The following LDLRAD3 variants were observed in gnomAD, a reference collection of about 807,000 sequenced individuals.
LDLRAD3 encodes the protein low-density lipoprotein receptor class A domain-containing protein 3.
A neutral mutation model predicts 29.4 loss-of-function variants in LDLRAD3; 20 were observed. The ratio of observed to expected loss-of-function variants is 0.68; its 90% confidence interval spans 0.48 to 0.99. The LOEUF (loss-of-function observed/expected upper bound fraction) is 0.99, where lower values mean the gene tolerates loss of function less well. Ranked by LOEUF, LDLRAD3 falls within the 50% of genes least tolerant of loss-of-function variation. The probability of loss-of-function intolerance (pLI) is 0.00; values close to 1 mark genes in which losing one functional copy is unlikely to be tolerated. For missense variants in LDLRAD3, 420 were observed against 454.3 expected, an observed-to-expected ratio of 0.92 and a Z score of 0.69; for synonymous variants, 157 against 192.7, an observed-to-expected ratio of 0.81 and a Z score of 1.53.
intron 4 of LDLRAD3, among the ~76,000 whole-genome samples, chr11:36,108,192 T>C (rs1232031820): frequency 1.3e-5 from 2 of 151,362 alleles, no homozygotes; most frequent in Non-Finnish European, 2.9e-5. Context: ...TGGTGGTGGG[T>C]GCCTGTAGTC....
At chr11:35,958,225 G>A (rs1393439511) in intron 1 of LDLRAD3, among the ~76,000 whole-genome samples, 1 of 152,182 alleles carries the variant, frequency 6.6e-6, no homozygotes, top group Non-Finnish European at 1.5e-5. Context: ...GTCACACCCA[G>A]CCTATTTCAG....
At chr11:35,999,959 G>A (rs1315210773) in intron 1 of LDLRAD3, among the ~76,000 whole-genome samples, 1 of 152,180 alleles carries the variant, frequency 6.6e-6, no homozygotes, top group African/African-American at 2.4e-5. Flanking sequence ...GTCTGCAGTG[G>A]TAAACATTGG....
chr11:36,229,333 G>A lies in LDLRAD3; in HGVS notation c.974G>A (p.Gly325Asp), dbSNP rs1176717375. 1.2e-6 allele frequency: 2 copies of A among 1,613,942 alleles called. No individual in the cohort carries two copies. The highest frequency in any genetic ancestry group is 1.7e-6 in the Non-Finnish European group (2 of 1,180,022). Reference sequence around the variant, plus strand: ...ACCAGCCACAGCCCGGGGCAGCCTGGCCCCCAGGAGGGCACTGCTGAGCCC... The same window carrying A: ...ACCAGCCACAGCCCGGGGCAGCCTGACCCCCAGGAGGGCACTGCTGAGCCC... The part of the protein sequence containing the change: ...EDTSHSPGQP[G>D]PQEGTAEPRD... The change falls in exon 6 of 6, where the codon GGC becomes GAC. Residue 325 changes from glycine (G) to aspartate (D), a missense_variant. Physicochemically the swap from Gly to Asp is moderately conservative, Grantham distance 94. Around this residue, in one of 3 missense-constraint regions of LDLRAD3, gnomAD observed 140 missense variants for 139.9 expected, o/e 1.00. Transcript: ENST00000315571.
intron 3 of LDLRAD3, among the ~76,000 whole-genome samples, chr11:36,083,202 C>G (rs7114300): frequency 0.023 from 3,560 of 152,262 alleles, 124 homozygotes; most frequent in African/African-American, 0.081. Context: ...TTAGGGTTCA[C>G]TCTGGTGTTG....
chr11:36,023,078 C>G (rs1018742532), intron 1 of LDLRAD3, among the ~76,000 whole-genome samples: 2 of 152,106 alleles, frequency 1.3e-5, no homozygotes, highest in African/African-American at 2.4e-5. Flanking sequence ...GCGGGATGGA[C>G]CAGTTTAATG....
chr11:36,129,478 T>C (rs1853892586), intron 4 of LDLRAD3, among the ~76,000 whole-genome samples: 1 of 151,898 alleles, frequency 6.6e-6, no homozygotes. Flanking sequence ...TGTCCCAGAG[T>C]CCCTTCAGAG....
In LDLRAD3 at chr11:36,041,350, C is replaced by T. The variant is rs145292910; in HGVS notation, c.193+5101C>T. Among the ~76,000 whole-genome samples, 549 of 152,288 alleles carry T rather than the reference C, an allele frequency of 3.6e-3. 4 individuals carry two copies. Among genetic ancestry groups the T allele is most frequent in the African/African-American group, 0.013 (535 of 41,562 alleles). ...CAGTAGAGCGATTACATGGAGCTTG[C>T]CTGTTGGCCCAGAAAATAAGTCTCC... On this transcript the variant is annotated intron_variant, in intron 2 of 5. Transcript: ENST00000315571.
At chr11:35,950,821 T>G (rs112001777) in intron 1 of LDLRAD3, among the ~76,000 whole-genome samples, 7 of 152,178 alleles carry the variant, frequency 4.6e-5, no homozygotes, top group African/African-American at 1.7e-4. Flanking sequence ...CAGTGACTCA[T>G]GCCTGTAATC....
intron 4 of LDLRAD3, chr11:36,183,872 G>A (rs749500545): frequency 3.5e-5 from 7 of 198,162 alleles, no homozygotes; most frequent in Admixed American, 1.2e-4. Flanking sequence ...TCTAATCTAC[G>A]GTTAAGTGGG....
intron 4 of LDLRAD3, among the ~76,000 whole-genome samples, chr11:36,155,970 T>A (rs1854344326): frequency 6.6e-6 from 1 of 152,044 alleles, no homozygotes; most frequent in Non-Finnish European, 1.5e-5. Context: ...AGCTGGGAAA[T>A]TATGTTCTTA....
At chr11:36,167,342 CT>C (rs1854529440) in intron 4 of LDLRAD3, among the ~76,000 whole-genome samples, 1 of 152,186 alleles carries the variant, frequency 6.6e-6, no homozygotes. Context: ...ATCTTCACAG[CT>C]GCATCTGGAC....
chr11:35,998,440 C>T (rs1272681237), intron 1 of LDLRAD3, among the ~76,000 whole-genome samples: 1 of 152,200 alleles, frequency 6.6e-6, no homozygotes, highest in East Asian at 1.9e-4. Context: ...TCCTTTCAGC[C>T]AAGCATATTC....
chr11:35,968,155 G>C (rs1215831221), intron 1 of LDLRAD3: 4 of 441,222 alleles, frequency 9.1e-6, no homozygotes, highest in African/African-American at 6.1e-5. Flanking sequence ...CCTTCCTCTG[G>C]ACCAGCTTCC....
intron 3 of LDLRAD3, among the ~76,000 whole-genome samples, chr11:36,088,898 A>T (rs145802358): frequency 1.3e-5 from 2 of 152,160 alleles, no homozygotes; most frequent in East Asian, 3.9e-4. Flanking sequence ...GCCTTCCATG[A>T]CCACTCTATG....
At chr11:36,036,932 A>G (rs921967203) in intron 2 of LDLRAD3, among the ~76,000 whole-genome samples, 1 of 152,082 alleles carries the variant, frequency 6.6e-6, no homozygotes, top group Non-Finnish European at 1.5e-5. Context: ...GTTGATGATC[A>G]TCTACGAGAA....
At chr11:36,132,693 CT>C (rs772156022) in intron 4 of LDLRAD3, among the ~76,000 whole-genome samples, 7 of 152,226 alleles carry the variant, frequency 4.6e-5, no homozygotes, top group Non-Finnish European at 8.8e-5. Flanking sequence ...CCATACATCA[CT>C]TTTGAGCGCC....
intron 1 of LDLRAD3, among the ~76,000 whole-genome samples, chr11:36,016,677 A>G (rs1370258253): frequency 6.6e-6 from 1 of 152,214 alleles, no homozygotes; most frequent in Non-Finnish European, 1.5e-5. Flanking sequence ...AGGACCTCTC[A>G]GTTCCTTCCC....
At chr11:36,218,446 T>C (rs183075561) in intron 4 of LDLRAD3, among the ~76,000 whole-genome samples, 170 of 152,308 alleles carry the variant, frequency 1.1e-3, no homozygotes, top group Non-Finnish European at 2.1e-3. Context: ...TGTTCAGACT[T>C]GTGGGAGTAT....
intron 4 of LDLRAD3, among the ~76,000 whole-genome samples, chr11:36,144,681 C>G (rs543256320): frequency 1.2e-4 from 9 of 76,362 alleles, no homozygotes; most frequent in African/African-American, 3.3e-4. Context: ...AGTGAGGAGC[C>G]CCTCCGCCCG....
Sources: allele counts gnomAD v4.1 joint callset (sites outside exome capture counted in the v4.1 genomes callset), GRCh38; gene constraint gnomAD v4.1.1; regional missense constraint gnomAD v4.1.1; transcripts MANE v1.5; gene names NCBI Gene and HGNC (gene_info 2026-07-23, HGNC 2026-07-21).